The following SRC variants were observed in gnomAD, a reference collection of about 807,000 sequenced individuals.
SRC encodes proto-oncogene tyrosine-protein kinase Src.
SRC carries 13 observed loss-of-function variants against 62.9 expected under a neutral mutation model. The ratio of observed to expected loss-of-function variants is 0.21; its 90% CI spans 0.13 to 0.33. SRC has a LOEUF of 0.33. Among genes scored for constraint, SRC ranks in the 10% least tolerant of loss-of-function variants. The pLI is 1.00. For synonymous variants in SRC, 302 were observed against 317.5 expected (o/e 0.95, Z 0.52); for missense variants, 457 against 737.3 (o/e 0.62, Z 4.40).
chr20:37,394,313 C>G, intron 7 of SRC, 36 bp downstream of exon 7: 1 of 1,577,800 alleles, frequency 6.3e-7, no homozygotes, highest in Non-Finnish European at 8.7e-7. Context: ...GATACTGAGT[C>G]TTCTGTGAGT....
chr20:37,373,456 C>CGT (rs112187908), intron 2 of SRC, among the ~76,000 whole-genome samples: 9 of 94,744 alleles, frequency 9.5e-5, no homozygotes, highest in African/African-American at 6.9e-4. Context: ...CGCATATATG[C>CGT]ATATATACAC....
chr20:37,365,330 A>AACAACAGGTTGGGCTGGGCGCGGTGGCT (rs2070045688), intron 2 of SRC, 53 bp downstream of exon 2: 1 of 110,528 alleles, frequency 9.0e-6, no homozygotes, highest in African/African-American at 4.3e-5. Flanking sequence ...ACACACACAC[A>AACAACAGGTTGGGCTGGGCGCGGTGGCT]CACACACACA....
At chr20:37,383,393 C>T (rs1682872052) in intron 3 of SRC, among the ~76,000 whole-genome samples, 1 of 152,180 alleles carries the variant, frequency 6.6e-6, no homozygotes, top group African/African-American at 2.4e-5. Context: ...TTGGCTGCCA[C>T]TTTTAGCACC....
rs541715085 is a variant in SRC at position 37,396,145 on chromosome 20, C to A, written c.554-17C>A. On this transcript the variant is annotated splice_polypyrimidine_tract_variant and intron_variant, in intron 7 of 13. Coordinates refer to ENST00000373578, the MANE Select transcript of SRC (RefSeq NM_198291.3). The surrounding 1 kb of genome is among the most constrained non-coding windows in gnomAD (Gnocchi z 6.1). ...GGAGAGGGCATGGCGGTCACGGCTC[C>A]CCTCGGTGCCCCGCAGGTGCCTACT... The A allele has an allele frequency of 8.1e-6, 13 of 1,609,216 alleles. 1 individual carries two copies. In the Admixed American group the frequency reaches 1.2e-4, roughly 14 times the overall value.
In SRC at chr20:37,400,244, C is replaced by A. The variant is rs1274322227; in HGVS notation, c.989C>A (p.Ala330Asp). The A allele has an allele frequency of 6.2e-7, 1 of 1,614,008 alleles. No individual in the cohort carries two copies. Among genetic ancestry groups the A allele is most frequent in the Admixed American group, 1.7e-5 (1 of 60,014 alleles). The change falls in exon 10 of 14, where the codon GCT becomes GAT. Residue 330 changes from alanine to aspartate, a missense_variant. Physicochemically the swap from Ala to Asp is moderately radical, Grantham distance 126 (BLOSUM62 -2). Transcript: ENST00000373578. ...CATGAGAAGCTGGTGCAGTTGTATG[C>A]TGTGGTTTCAGAGGAGCCCATTTAC... is the stretch of plus-strand genomic sequence containing the variant. ...LRHEKLVQLY[A>D]VVSEEPIYIV... is the part of the protein sequence containing the mutation.
chr20:37,386,001 G>T, intron 4 of SRC, 74 bp from the exon 5 acceptor site: 1 of 1,219,290 alleles, frequency 8.2e-7, no homozygotes, highest in Admixed American at 1.7e-5. Context: ...CTCCTCCTGG[G>T]TACAGGGCCA....
chr20:37,370,063 G>A (rs6094491), intron 2 of SRC, among the ~76,000 whole-genome samples: 1 of 152,088 alleles, frequency 6.6e-6, no homozygotes, highest in East Asian at 1.9e-4. Context: ...GCCTCCCAGA[G>A]TGCTGGGATT....
At chr20:37,348,501 G>T (rs2069755070) in intron 1 of SRC, among the ~76,000 whole-genome samples, 1 of 152,214 alleles carries the variant, frequency 6.6e-6, no homozygotes, top group Non-Finnish European at 1.5e-5. Flanking sequence ...GAGCAGTATT[G>T]TGCTGGGGTT....
rs181818351 is a variant in SRC, at chr20:37,347,810, A to G, written c.-247+1555A>G. Among the ~76,000 whole-genome samples the G allele has an allele frequency of 2.0e-3, 303 of 152,280 alleles. 2 individuals are homozygous for G. Among genetic ancestry groups the G allele is most frequent in the Non-Finnish European group, 3.0e-3 (206 of 68,024 alleles). On this transcript the variant is annotated intron_variant, in intron 1 of 13. Coordinates refer to ENST00000373578, the MANE Select transcript of SRC (RefSeq NM_198291.3). The stretch of plus-strand genomic sequence containing the variant: ...CTAAGAGAGGGGAAGTGACTTGACC[A>G]AGGCCCTATAGTTGGAAGCTGGAAT...
chr20:37,399,777 C>T (rs1395085021), intron 9 of SRC, among the ~76,000 whole-genome samples: 13 of 152,126 alleles, frequency 8.5e-5, no homozygotes, highest in Non-Finnish European at 1.5e-4. Flanking sequence ...AACTCCTGAC[C>T]TCAAATGATC....
At chr20:37,393,629 C>T in intron 5 of SRC, 1 of 438,110 alleles carries the variant, frequency 2.3e-6, no homozygotes, top group Non-Finnish European at 4.1e-6. Flanking sequence ...GGATTTGAGC[C>T]TCAGATGACC....
chr20:37,348,742 C>T (rs1202762483), intron 1 of SRC, among the ~76,000 whole-genome samples: 1 of 152,104 alleles, frequency 6.6e-6, no homozygotes, highest in Non-Finnish European at 1.5e-5. Flanking sequence ...AGCAAAGTTG[C>T]AAACAAGTTG....
chr20:37,375,985 C>A (rs1486638127), intron 2 of SRC, among the ~76,000 whole-genome samples: 1 of 152,208 alleles, frequency 6.6e-6, no homozygotes, highest in African/African-American at 2.4e-5. Context: ...GTCATAAGGA[C>A]TCCATCCTTA....
At chr20:37,374,571 C>CTTT (rs71187927) in intron 2 of SRC, among the ~76,000 whole-genome samples, 2 of 88,964 alleles carry the variant, frequency 2.2e-5, no homozygotes, top group Admixed American at 1.4e-4. Context: ...TAATAATACT[C>CTTT]TTTTTTTTTT....
intron 1 of SRC, among the ~76,000 whole-genome samples, chr20:37,349,197 A>G (rs1390747255): frequency 1.3e-5 from 2 of 152,190 alleles, no homozygotes; most frequent in Non-Finnish European, 2.9e-5. Flanking sequence ...CTGGACTCCA[A>G]AATTTTATGG....
chr20:37,394,382 G>A, intron 7 of SRC, 105 bp downstream of exon 7: 1 of 961,404 alleles, frequency 1.0e-6, no homozygotes, highest in Non-Finnish European at 1.6e-6. Context: ...AGGGAGGGAA[G>A]AACCTTCCGG....
intron 1 of SRC, among the ~76,000 whole-genome samples, chr20:37,347,439 G>A (rs1179871380): frequency 6.6e-6 from 1 of 152,230 alleles, no homozygotes; most frequent in Non-Finnish European, 1.5e-5. Context: ...ATCCTCAGGC[G>A]AAGATTCTAA....
At chr20:37,363,639 G>A (rs1008494660) in intron 1 of SRC, among the ~76,000 whole-genome samples, 1 of 152,208 alleles carries the variant, frequency 6.6e-6, no homozygotes, top group Non-Finnish European at 1.5e-5. Flanking sequence ...GGGAGGATGT[G>A]AAGGGGAGAA....
At chr20:37,389,185 A>G (rs2070506189) in intron 5 of SRC, among the ~76,000 whole-genome samples, 1 of 152,062 alleles carries the variant, frequency 6.6e-6, no homozygotes, top group Admixed American at 6.5e-5. Context: ...CCTGGGTGTG[A>G]GGAAGCCCTC....
Sources: gnomAD v4.1 joint callset for allele counts (sites outside exome capture counted in the v4.1 genomes callset) on GRCh38, gnomAD v4.1.1 for gene constraint, Gnocchi (gnomAD v3.1) non-coding constraint, MANE v1.5 for transcripts, NCBI Gene and HGNC (gene_info 2026-07-23, HGNC 2026-07-21) for gene names.